The following OLFM2 variants were observed in gnomAD, a reference collection of about 807,000 sequenced individuals.
OLFM2 encodes noelin-2.
In OLFM2, 20 loss-of-function variants were observed where a neutral mutation model predicts 43.9. The ratio of observed to expected loss-of-function variants is 0.46; its 90% confidence interval spans 0.32 to 0.66. The LOEUF (loss-of-function observed/expected upper bound fraction) is 0.66, where lower values mean the gene tolerates loss of function less well. Ranked by LOEUF, OLFM2 falls within the 30% of genes least tolerant of loss-of-function variation. The pLI is 0.04. For synonymous variants in OLFM2, 268 were observed against 278.6 expected, an observed-to-expected ratio of 0.96 and a Z score of 0.38; for missense variants, 416 against 643.6, an observed-to-expected ratio of 0.65 and a Z score of 3.83.
intron 1 of OLFM2, among the ~76,000 whole-genome samples, chr19:9,901,770 A>T (rs995785912): frequency 1.3e-5 from 2 of 152,184 alleles, no homozygotes; most frequent in Non-Finnish European, 2.9e-5. Flanking sequence ...ATCCACAGGC[A>T]CCTGTGAATT....
At chr19:9,935,432 A>C (rs1311906397) in intron 1 of OLFM2, among the ~76,000 whole-genome samples, 1 of 152,044 alleles carries the variant, frequency 6.6e-6, no homozygotes, top group Non-Finnish European at 1.5e-5. Flanking sequence ...TGCCATGGGG[A>C]GGGAGACCCG....
chr19:9,907,940 G>A (rs1319881148), intron 1 of OLFM2, among the ~76,000 whole-genome samples: 1 of 152,118 alleles, frequency 6.6e-6, no homozygotes. Flanking sequence ...GGGAGGCAGA[G>A]GTTGCAGTAA....
chr19:9,854,966 T>A lies in OLFM2; in HGVS notation c.688-103A>T. 1 of 869,048 alleles carries A rather than the reference T, an allele frequency of 1.2e-6. No homozygotes were observed. The highest frequency in any genetic ancestry group is 1.7e-6 in the Non-Finnish European group (1 of 576,508). 53.8% of individuals were successfully genotyped at this position (869,048 alleles called of 1,614,324 possible). A position where few individuals can be genotyped will look rare whatever the true frequency, so the allele number is the denominator to read the frequency against. On this transcript the variant is annotated intron_variant, in intron 5 of 5. Coordinates refer to ENST00000264833, the MANE Select transcript of OLFM2 (RefSeq NM_058164.4). The surrounding 1 kb of genome is among the most constrained non-coding windows in gnomAD (Gnocchi z 9.5). ...GAGTTCAACAGTCACTAAGTGGTCA[T>A]TAGTCATGGGAACTCTGTTGACCAT...
At chr19:9,920,651 T>C (rs1412232464) in intron 1 of OLFM2, among the ~76,000 whole-genome samples, 1 of 151,788 alleles carries the variant, frequency 6.6e-6, no homozygotes, top group Non-Finnish European at 1.5e-5. Context: ...ATCCCAGCAC[T>C]TTGGAAGGCT....
chr19:9,928,820 G>C (rs554739158), intron 1 of OLFM2, among the ~76,000 whole-genome samples: 1 of 151,566 alleles, frequency 6.6e-6, no homozygotes, highest in East Asian at 1.9e-4. Flanking sequence ...AAAAAAAAGA[G>C]AGAAAGAGAA....
chr19:9,892,685 T>A (rs2046649385), intron 1 of OLFM2, among the ~76,000 whole-genome samples: 2 of 152,124 alleles, frequency 1.3e-5, no homozygotes, highest in South Asian at 4.1e-4. Context: ...AGAGCAAGAC[T>A]CTGTGTCAAA....
At chr19:9,893,826 G>C (rs1180744237) in intron 1 of OLFM2, among the ~76,000 whole-genome samples, 2 of 152,090 alleles carry the variant, frequency 1.3e-5, no homozygotes, top group Non-Finnish European at 2.9e-5. Context: ...TATTACCAGG[G>C]TTTCTTGATG....
At chr19:9,861,574 T>A (rs1460969163) in intron 1 of OLFM2, among the ~76,000 whole-genome samples, 1 of 152,202 alleles carries the variant, frequency 6.6e-6, no homozygotes, top group Admixed American at 6.5e-5. Context: ...TGACCAATTA[T>A]GGCTTTGTTT....
intron 2 of OLFM2, among the ~76,000 whole-genome samples, chr19:9,860,099 G>A (rs745974041): frequency 5.3e-5 from 8 of 151,178 alleles, no homozygotes; most frequent in African/African-American, 1.2e-4. Context: ...CTGAGATCGC[G>A]CCACTGCACC....
intron 1 of OLFM2, among the ~76,000 whole-genome samples, chr19:9,897,328 A>G (rs1433059774): frequency 2.3e-5 from 1 of 43,872 alleles, no homozygotes; most frequent in Non-Finnish European, 5.0e-5. Flanking sequence ...ACTTCGTCTC[A>G]AAAAAAAAAA....
At position 9,914,334 on chromosome 19, in the gene OLFM2, T is replaced by C. The variant is rs1227399265; in HGVS notation, c.63+21970A>G. Among the ~76,000 whole-genome samples, 6 of 152,014 alleles carry C rather than the reference T, an allele frequency of 3.9e-5. No individual in the cohort carries two copies. In the South Asian group the frequency reaches 8.3e-4, roughly 21 times the overall value. ...CGACACGCTCGTGCGCTCCCATGAA[T>C]CGGGTCACCAAGGGTCTCCTTTAGC... On this transcript the variant is annotated intron_variant, in intron 1 of 5. Coordinates refer to ENST00000264833, the MANE Select transcript of OLFM2 (RefSeq NM_058164.4).
intron 1 of OLFM2, among the ~76,000 whole-genome samples, chr19:9,909,450 T>A (rs1271956736): frequency 6.6e-6 from 1 of 152,032 alleles, no homozygotes; most frequent in Non-Finnish European, 1.5e-5. Flanking sequence ...TGGCCAAAGG[T>A]AGTAGCGGCA....
intron 1 of OLFM2, among the ~76,000 whole-genome samples, chr19:9,864,332 G>A (rs1010559354): frequency 6.6e-5 from 10 of 152,026 alleles, no homozygotes; most frequent in Non-Finnish European, 1.5e-4. Flanking sequence ...ACAGACTCTC[G>A]CTGTGTCTCC....
chr19:9,885,192 T>C (rs2046575855), intron 1 of OLFM2, among the ~76,000 whole-genome samples: 1 of 152,182 alleles, frequency 6.6e-6, no homozygotes, highest in African/African-American at 2.4e-5. Flanking sequence ...GGAGTGATAG[T>C]AGTGCCTTAC....
chr19:9,873,182 G>A (rs530557462), intron 1 of OLFM2, among the ~76,000 whole-genome samples: 5 of 152,122 alleles, frequency 3.3e-5, no homozygotes, highest in Admixed American at 6.6e-5. Context: ...TCACTCTGCC[G>A]CGCAGGCTGG....
intron 1 of OLFM2, among the ~76,000 whole-genome samples, chr19:9,915,693 AT>A (rs1336092962): frequency 2.4e-4 from 36 of 151,404 alleles, no homozygotes; most frequent in Middle Eastern, 3.4e-3. Context: ...AATTTTTTGT[AT>A]TTTTTAGTAG....
intron 1 of OLFM2, among the ~76,000 whole-genome samples, chr19:9,911,629 T>C (rs537083424): frequency 3.3e-5 from 5 of 152,264 alleles, no homozygotes; most frequent in South Asian, 2.1e-4. Flanking sequence ...TCCACACATA[T>C]GCACACAAAG....
chr19:9,931,109 C>G (rs553089211), intron 1 of OLFM2, among the ~76,000 whole-genome samples: 1 of 152,242 alleles, frequency 6.6e-6, no homozygotes, highest in East Asian at 1.9e-4. Flanking sequence ...TACACTAACT[C>G]GGAGTCTTTA....
intron 1 of OLFM2, among the ~76,000 whole-genome samples, chr19:9,875,784 A>G (rs768995794): frequency 5.1e-4 from 77 of 152,164 alleles, no homozygotes; most frequent in Non-Finnish European, 1.0e-3. Context: ...CTGGGATTAC[A>G]GGTATGAGCC....
Sources: gnomAD v4.1 joint callset for allele counts (sites outside exome capture counted in the v4.1 genomes callset) on GRCh38, gnomAD v4.1.1 for gene constraint, Gnocchi (gnomAD v3.1) non-coding constraint, MANE v1.5 for transcripts, NCBI Gene and HGNC (gene_info 2026-07-23, HGNC 2026-07-21) for gene names.